Variants in CDH15 observed in about 807,000 individuals in gnomAD.
The protein encoded by CDH15 is cadherin 15.
A neutral mutation model predicts 69.4 loss-of-function variants in CDH15; 73 were observed. The observed-to-expected ratio is 1.05, with a 90% CI of 0.87 to 1.28. The LOEUF is 1.28. Ranked by LOEUF, CDH15 falls within the 50% of genes most tolerant of loss-of-function variation. The probability of loss-of-function intolerance (pLI) is 0.00; values close to 1 mark genes in which losing one functional copy is unlikely to be tolerated. For missense variants in CDH15, 1,343 were observed against 1,133.6 expected, an observed-to-expected ratio of 1.18 and a Z score of -2.65; for synonymous variants, 624 against 507.7, an observed-to-expected ratio of 1.23 and a Z score of -3.08.
rs1212153298 is a variant in CDH15 at position 89,189,275 on chromosome 16, A to G, written c.979-968A>G. ...GATGCCCACACACATGCCCACACAC[A>G]GATGCCGGCACACACAGATGCCCAC... On this transcript the variant is annotated intron_variant, in intron 7 of 13. Transcript: ENST00000289746. 3.3e-5 allele frequency among the ~76,000 whole-genome samples: 5 copies of G among 150,492 alleles called. No individual in the cohort carries two copies. In the East Asian group the frequency reaches 7.9e-4, roughly 24 times the overall value.
At position 89,192,387 on chromosome 16, in the gene CDH15, A is replaced by C; in HGVS notation, c.1798A>C (p.Thr600Pro). Reference protein sequence around the residue: ...PGAAALLAGGTGLSLGALVIV... With the variant: ...PGAAALLAGGPGLSLGALVIV... Reference sequence around the variant, plus strand: ...GGCCGCAGCGCTGCTGGCGGGGGGCACAGGCCTCAGCCTGGGCGCACTGGT... The same window carrying C: ...GGCCGCAGCGCTGCTGGCGGGGGGCCCAGGCCTCAGCCTGGGCGCACTGGT... Residue 600 changes from threonine (T) to proline (P), a missense_variant, in exon 11 of 14, where the codon ACA becomes CCA. Coordinates refer to ENST00000289746, the MANE Select transcript of CDH15 (RefSeq NM_004933.3). The C allele has an allele frequency of 1.3e-6, 2 of 1,536,898 alleles. No individual in the cohort carries two copies. The highest frequency in any genetic ancestry group is 1.7e-6 in the Non-Finnish European group (2 of 1,148,080).
rs368183972 is a variant in CDH15 at position 89,195,123 on chromosome 16, C to G, written c.2413C>G (p.Leu805Val). 3.1e-6 allele frequency: 5 copies of G among 1,604,030 alleles called. No individual in the cohort carries two copies. The Admixed American group carries it at 6.7e-5, about 21-fold the overall frequency. Residue 805 changes from leucine (L) to valine (V), a missense_variant, in exon 14 of 14, where the codon CTG becomes GTG. Coordinates refer to ENST00000289746, the MANE Select transcript of CDH15 (RefSeq NM_004933.3). The stretch of plus-strand genomic sequence containing the variant: ...CAGGGAGGGTCTTTCTCCTGGGGCA[C>G]TGCTACCCAGACACAGAGGCCGGAC... ...QAREGLSPGA[L>V]LPRHRGRTA
At position 89,185,344 on chromosome 16, in the gene CDH15, G is replaced by A. The variant is rs1555592045; in HGVS notation, c.663+11G>A. ...GGGCTGGACCGCGAGGTGAGGTGGC[G>A]CCCCGGCAGCTCCACACCCGCACGG... On this transcript the variant is annotated intron_variant, in intron 5 of 13. Transcript: ENST00000289746. 20 of 1,590,166 alleles carry A rather than the reference G, an allele frequency of 1.3e-5. No individual in the cohort carries two copies. Among genetic ancestry groups the A allele is most frequent in the South Asian group, 5.7e-5 (5 of 87,920 alleles).
At chr16:89,194,801 A>G in intron 13 of CDH15, 61 bp from the exon 14 acceptor site, 2 of 1,522,570 alleles carry the variant, frequency 1.3e-6, no homozygotes, top group Non-Finnish European at 1.8e-6. Flanking sequence ...GGCTGTGGCC[A>G]CGGCGGTGGG....
In CDH15 at chr16:89,180,360, G is replaced by A. The variant is rs147758898; in HGVS notation, c.357+5G>A. The A allele has an allele frequency of 6.0e-5, 96 of 1,610,274 alleles. No homozygotes were observed. Among genetic ancestry groups the A allele is most frequent in the Admixed American group, 5.9e-4 (35 of 59,744 alleles). ...GAGAAGACTGATCGCTTCAGGGTGC[G>A]GAGCTGCGTGGTCGGACCTGTGCCC... On this transcript the variant is annotated splice_donor_5th_base_variant and intron_variant, in intron 3 of 13. Transcript: ENST00000289746.
intron 4 of CDH15, 91 bp downstream of exon 4, chr16:89,183,783 C>A: frequency 1.5e-6 from 2 of 1,339,616 alleles, no homozygotes; most frequent in Non-Finnish European, 2.0e-6. Context: ...ATTCCAGAGG[C>A]CCCTCAGAGT....
chr16:89,187,599 A>C (rs1188463554), intron 6 of CDH15, 42 bp downstream of exon 6: 1 of 1,611,650 alleles, frequency 6.2e-7, no homozygotes, highest in Admixed American at 1.7e-5. Context: ...CCCTGCTTAG[A>C]GCTGCCTTCC....
intron 13 of CDH15, among the ~76,000 whole-genome samples, chr16:89,194,444 C>G (rs1212463657): frequency 6.6e-6 from 1 of 152,208 alleles, no homozygotes; most frequent in African/African-American, 2.4e-5. Context: ...TGTGTCCCCA[C>G]GAGCTGAGAG....
chr16:89,189,259 A>G (rs952420812), intron 7 of CDH15, among the ~76,000 whole-genome samples: 32 of 140,710 alleles, frequency 2.3e-4, no homozygotes, highest in African/African-American at 7.7e-4. Context: ...AGATGCCCAC[A>G]CACATGCCCA....
At chr16:89,175,546 G>A (rs924625418) in intron 1 of CDH15, among the ~76,000 whole-genome samples, 3 of 152,224 alleles carry the variant, frequency 2.0e-5, no homozygotes, top group Non-Finnish European at 2.9e-5. Context: ...AGGCTCCCGG[G>A]GGGTTGGGAG....
At chr16:89,176,230 G>A (rs1001784440) in intron 1 of CDH15, among the ~76,000 whole-genome samples, 7 of 152,198 alleles carry the variant, frequency 4.6e-5, no homozygotes, top group South Asian at 2.1e-4. Flanking sequence ...CCCACGTCCC[G>A]GCCCCTGCCT....
chr16:89,188,331 C>T (rs373178580), intron 7 of CDH15, 46 bp downstream of exon 7: 1 of 1,531,924 alleles, frequency 6.5e-7, no homozygotes, highest in Non-Finnish European at 9.0e-7. Flanking sequence ...GACGCAGATG[C>T]CGACACACAC....
At chr16:89,178,146 G>C (rs1025153609) in intron 1 of CDH15, among the ~76,000 whole-genome samples, 1 of 152,236 alleles carries the variant, frequency 6.6e-6, no homozygotes, top group Admixed American at 6.5e-5. Context: ...CCCCATCTGA[G>C]GGGTGGGTGT....
In CDH15 at chr16:89,195,212, C is replaced by T; in HGVS notation, c.*57C>T. The T allele has an allele frequency of 1.3e-6, 2 of 1,488,816 alleles. No individual in the cohort carries two copies. The highest frequency in any genetic ancestry group is 1.8e-6 in the Non-Finnish European group (2 of 1,119,986). The allele number at this position is 1,488,816 out of a possible 1,614,324, so 92.2% of individuals were successfully genotyped here. ...GGCCTCGTGGCAGTGATGGCCCCTG[C>T]AGAGGCAGCCTGAGGTCACCGGGCC... On this transcript the variant is annotated 3_prime_UTR_variant, in exon 14 of 14. Coordinates refer to ENST00000289746, the MANE Select transcript of CDH15 (RefSeq NM_004933.3).
chr16:89,186,672 C>T (rs1290861176), intron 5 of CDH15, among the ~76,000 whole-genome samples: 1 of 135,260 alleles, frequency 7.4e-6, no homozygotes, highest in African/African-American at 2.8e-5. Flanking sequence ...TAAACGCTCA[C>T]CCAGCGCACA....
intron 5 of CDH15, 46 bp from the exon 6 acceptor site, chr16:89,187,383 C>T (rs1319389978): frequency 6.2e-7 from 1 of 1,608,192 alleles, no homozygotes; most frequent in Non-Finnish European, 8.5e-7. Context: ...TCCCCATGTG[C>T]CCCACCTGGG....
At chr16:89,193,992 A>G in intron 13 of CDH15, 79 bp downstream of exon 13, 1 of 1,493,266 alleles carries the variant, frequency 6.7e-7, no homozygotes, top group East Asian at 2.3e-5. Context: ...ACACCTGCAC[A>G]TGCATGCAAG....
intron 7 of CDH15, among the ~76,000 whole-genome samples, chr16:89,190,024 C>G (rs1489374518): frequency 6.6e-6 from 1 of 152,226 alleles, no homozygotes; most frequent in East Asian, 1.9e-4. Flanking sequence ...GTGCTTGAAC[C>G]CTGGGCTGCT....
intron 10 of CDH15, 29 bp downstream of exon 10, chr16:89,191,923 C>T: frequency 3.9e-6 from 6 of 1,523,748 alleles, no homozygotes; most frequent in Non-Finnish European, 5.3e-6. Flanking sequence ...CGCGCTCCCC[C>T]CATCCCCACG....
Sources: gnomAD v4.1 joint callset for allele counts (sites outside exome capture counted in the v4.1 genomes callset) on GRCh38, gnomAD v4.1.1 for gene constraint, MANE v1.5 for transcripts, NCBI Gene and HGNC (gene_info 2026-07-23, HGNC 2026-07-21) for gene names.